The following CAP2 variants were observed in gnomAD, a reference collection of about 807,000 sequenced individuals.
CAP2 encodes the protein adenylyl cyclase-associated protein 2.
Under a neutral mutation model 57.7 loss-of-function variants are expected in CAP2, and 24 were observed. The observed-to-expected ratio is 0.42, with a 90% confidence interval of 0.30 to 0.58. The LOEUF is 0.58. Ranked by LOEUF, CAP2 falls within the 20% of genes least tolerant of loss-of-function variation. The pLI is 0.22. For synonymous variants in CAP2, 194 were observed against 207.2 expected (o/e 0.94, Z 0.55); for missense variants, 501 against 590.3 (o/e 0.85, Z 1.57).
At chr6:17,479,697 C>T (rs185630589) in intron 4 of CAP2, among the ~76,000 whole-genome samples, 2,014 of 149,908 alleles carry the variant, frequency 0.013, 44 homozygotes, top group African/African-American at 0.046. Context: ...CTGCCAGCTC[C>T]GCCTGCCGGG....
chr6:17,476,261 T>C (rs1761148308), intron 4 of CAP2, among the ~76,000 whole-genome samples: 1 of 152,260 alleles, frequency 6.6e-6, no homozygotes, highest in Non-Finnish European at 1.5e-5. Flanking sequence ...TAATGAATTC[T>C]AACTGCAGTA....
chr6:17,533,509 C>T (rs762217320), intron 7 of CAP2, among the ~76,000 whole-genome samples: 2 of 151,798 alleles, frequency 1.3e-5, no homozygotes, highest in Non-Finnish European at 2.9e-5. Context: ...GTTCTTGCAA[C>T]AGAAGTGAAC....
At chr6:17,425,233 A>T (rs1343088183) in intron 2 of CAP2, among the ~76,000 whole-genome samples, 1 of 152,224 alleles carries the variant, frequency 6.6e-6, no homozygotes, top group East Asian at 1.9e-4. Context: ...GTATTTCTCA[A>T]TATTAGGGAC....
intron 4 of CAP2, among the ~76,000 whole-genome samples, chr6:17,497,314 A>T (rs1013701106): frequency 6.6e-6 from 1 of 152,190 alleles, no homozygotes; most frequent in African/African-American, 2.4e-5. Context: ...ACAAAGTGAA[A>T]TTATAGGTGA....
At chr6:17,481,980 C>T (rs538112259) in intron 4 of CAP2, among the ~76,000 whole-genome samples, 30 of 152,160 alleles carry the variant, frequency 2.0e-4, no homozygotes, top group Admixed American at 1.1e-3. Context: ...AGTCACCCAC[C>T]ACTGAGTGAG....
Position 17,528,469 on chromosome 6 carries a change from T to C in CAP2, c.637-10800T>C, listed in dbSNP as rs552791482. ...TGCTTTCTGCTCTGTCTTTTTTTCA[T>C]GTACTGCCAAAGCTCAGATCTTTCC... On this transcript the variant is annotated intron_variant, in intron 7 of 12. Coordinates refer to ENST00000229922, the MANE Select transcript of CAP2 (RefSeq NM_006366.3). Among the ~76,000 whole-genome samples, 7 of 152,320 alleles carry C rather than the reference T, an allele frequency of 4.6e-5. No homozygotes were observed. The East Asian group carries it at 1.3e-3, about 29-fold the overall frequency.
Position 17,393,763 on chromosome 6 carries a change from CG to C in CAP2, c.-2+21del, listed in dbSNP as rs1253278343. 2.7e-5 allele frequency: 4 copies of C among 149,088 alleles called. No individual in the cohort carries two copies. Among genetic ancestry groups the C allele is most frequent in the African/African-American group, 9.8e-5 (4 of 40,778 alleles). The allele number at this position is 149,088 out of a possible 1,614,324, so 9.2% of individuals were successfully genotyped here. A position where few individuals can be genotyped will look rare whatever the true frequency, so the allele number is the denominator to read the frequency against. On this transcript the variant is annotated intron_variant, in intron 1 of 12. Coordinates refer to ENST00000229922, the MANE Select transcript of CAP2 (RefSeq NM_006366.3). ...GCGAAGCAGGTAATCCTGCAGCGGT[CG>C]GGGCCCGGCGAGGCGGGGAGGGGTC...
At chr6:17,442,505 T>C (rs1268233441) in intron 3 of CAP2, among the ~76,000 whole-genome samples, 2 of 152,144 alleles carry the variant, frequency 1.3e-5, no homozygotes, top group Non-Finnish European at 2.9e-5. Context: ...TTCACTTGCA[T>C]CTGGGAAAAA....
chr6:17,460,069 A>C (rs541724040), intron 3 of CAP2, among the ~76,000 whole-genome samples: 1 of 152,328 alleles, frequency 6.6e-6, no homozygotes, highest in South Asian at 2.1e-4. Flanking sequence ...AGGATAAAGA[A>C]ATAATTCTTG....
chr6:17,467,850 T>C (rs953796238), intron 4 of CAP2, among the ~76,000 whole-genome samples: 3 of 152,186 alleles, frequency 2.0e-5, no homozygotes, highest in African/African-American at 7.2e-5. Flanking sequence ...AAATGTGCAA[T>C]TATTATTGAC....
intron 3 of CAP2, among the ~76,000 whole-genome samples, chr6:17,453,603 A>C (rs7775109): frequency 0.048 from 7,292 of 152,286 alleles, 597 homozygotes; most frequent in African/African-American, 0.16. Flanking sequence ...TGCTAGGCTC[A>C]GCAGAGGATA....
At position 17,502,762 on chromosome 6, in the gene CAP2, A is replaced by G. The variant is rs575513510; in HGVS notation, c.301-4407A>G. 2.0e-5 allele frequency among the ~76,000 whole-genome samples: 3 copies of G among 152,334 alleles called. No homozygotes were observed. In the East Asian group the frequency reaches 5.8e-4, roughly 29 times the overall value. Reference sequence around the variant, plus strand: ...CCCTTGGGGCAGTGGGCCAGGTATCATCAACAATACAGATATTCTGGCCTT... The same window carrying G: ...CCCTTGGGGCAGTGGGCCAGGTATCGTCAACAATACAGATATTCTGGCCTT... On this transcript the variant is annotated intron_variant, in intron 4 of 12. Transcript: ENST00000229922.
chr6:17,523,507 C>T (rs1466309674), intron 7 of CAP2, among the ~76,000 whole-genome samples: 1 of 151,946 alleles, frequency 6.6e-6, no homozygotes, highest in Non-Finnish European at 1.5e-5. Flanking sequence ...AAAAGACCGG[C>T]AAATAAATAA....
intron 7 of CAP2, among the ~76,000 whole-genome samples, chr6:17,528,381 A>G (rs1314561516): frequency 6.6e-6 from 1 of 152,240 alleles, no homozygotes; most frequent in African/African-American, 2.4e-5. Flanking sequence ...TAATATAGAC[A>G]GCACATGTTA....
chr6:17,515,390 A>G (rs919657246), intron 7 of CAP2, among the ~76,000 whole-genome samples: 10 of 152,130 alleles, frequency 6.6e-5, no homozygotes, highest in African/African-American at 2.2e-4. Flanking sequence ...CCCACTTACA[A>G]GTGGAAGCTA....
chr6:17,434,889 T>C (rs890089897), intron 3 of CAP2, among the ~76,000 whole-genome samples: 5 of 149,166 alleles, frequency 3.4e-5, no homozygotes, highest in Admixed American at 1.3e-4. Context: ...CAGACACTTC[T>C]CAAAAGAAGA....
intron 1 of CAP2, among the ~76,000 whole-genome samples, chr6:17,400,945 A>G (rs1758795460): frequency 6.6e-6 from 1 of 152,150 alleles, no homozygotes; most frequent in Non-Finnish European, 1.5e-5. Flanking sequence ...GTTAAATTGG[A>G]CCACACTAAG....
chr6:17,407,093 C>A (rs973959864), intron 1 of CAP2, among the ~76,000 whole-genome samples: 3 of 152,190 alleles, frequency 2.0e-5, no homozygotes, highest in Non-Finnish European at 4.4e-5. Context: ...AAGTGGGCTT[C>A]TTCCTTCTTG....
chr6:17,478,540 C>G (rs73375255), intron 4 of CAP2, among the ~76,000 whole-genome samples: 5,654 of 151,958 alleles, frequency 0.037, 353 homozygotes, highest in African/African-American at 0.13. Flanking sequence ...TCCCTAGGAC[C>G]TTATCTAATC....
Sources: gnomAD v4.1 joint callset for allele counts (sites outside exome capture counted in the v4.1 genomes callset) on GRCh38, gnomAD v4.1.1 for gene constraint, MANE v1.5 for transcripts, NCBI Gene and HGNC (gene_info 2026-07-23, HGNC 2026-07-21) for gene names.